Variants in NOL4 observed in about 807,000 individuals in gnomAD.
NOL4 encodes nucleolar protein 4.
A neutral mutation model predicts 75.9 loss-of-function variants in NOL4; 17 were observed. The ratio of observed to expected loss-of-function variants is 0.22; its 90% CI spans 0.15 to 0.34. The LOEUF is 0.34. Ranked by LOEUF, NOL4 falls within the 10% of genes least tolerant of loss-of-function variation. The pLI is 1.00. For synonymous variants in NOL4, 292 were observed against 289.9 expected (o/e 1.01, Z -0.07); for missense variants, 614 against 793.5 (o/e 0.77, Z 2.72).
At chr18:33,911,913 T>C (rs1029044584) in intron 9 of NOL4, among the ~76,000 whole-genome samples, 2 of 152,122 alleles carry the variant, frequency 1.3e-5, no homozygotes. Flanking sequence ...AGTTTAGACC[T>C]TTTTGCCTTT....
intron 9 of NOL4, among the ~76,000 whole-genome samples, chr18:33,919,440 T>C (rs1247993553): frequency 6.6e-6 from 1 of 152,216 alleles, no homozygotes; most frequent in Non-Finnish European, 1.5e-5. Flanking sequence ...CTTGCATTGA[T>C]GCTAACTTGC....
At chr18:34,105,242 A>G in intron 2 of NOL4, 82 bp from the exon 3 acceptor site, 1 of 904,488 alleles carries the variant, frequency 1.1e-6, no homozygotes, top group Non-Finnish European at 1.8e-6. Context: ...GTATTTCCAA[A>G]TAAGACACGT....
intron 9 of NOL4, among the ~76,000 whole-genome samples, chr18:33,891,090 C>T (rs1191435452): frequency 1.3e-5 from 2 of 151,554 alleles, no homozygotes; most frequent in African/African-American, 4.8e-5. Flanking sequence ...CACATATATT[C>T]TTCCATACTA....
At chr18:33,872,880 G>A (rs1300642748) in intron 10 of NOL4, among the ~76,000 whole-genome samples, 2 of 151,948 alleles carry the variant, frequency 1.3e-5, no homozygotes, top group East Asian at 3.9e-4. Flanking sequence ...AATACTTTAA[G>A]TCAGGTCATC....
chr18:34,016,982 G>A (rs1239221328), intron 6 of NOL4, among the ~76,000 whole-genome samples: 1 of 152,072 alleles, frequency 6.6e-6, no homozygotes, highest in Non-Finnish European at 1.5e-5. Flanking sequence ...AAATCATACT[G>A]AGGTCAGAAT....
At chr18:33,903,489 A>T (rs1298446353) in intron 9 of NOL4, among the ~76,000 whole-genome samples, 4 of 152,266 alleles carry the variant, frequency 2.6e-5, no homozygotes, top group African/African-American at 7.2e-5. Flanking sequence ...TCCTGGGTAC[A>T]CATATCTCAT....
At chr18:33,857,489 C>T (rs1465486667) in intron 10 of NOL4, among the ~76,000 whole-genome samples, 2 of 151,908 alleles carry the variant, frequency 1.3e-5, no homozygotes. Flanking sequence ...AGAAACATTG[C>T]CAATTCTGCA....
chr18:33,957,596 G>C lies in NOL4; in HGVS notation c.1237-79C>G. Reference sequence around the variant, plus strand: ...TTCCTAGCTTCCTGTCTTGATTACCGATAGGAAAATACTGTTTTCTGGTTT... The same window carrying C: ...TTCCTAGCTTCCTGTCTTGATTACCCATAGGAAAATACTGTTTTCTGGTTT... On this transcript the variant is annotated intron_variant, in intron 7 of 10. Coordinates refer to ENST00000261592, the MANE Select transcript of NOL4 (RefSeq NM_003787.5). 3 of 1,137,276 alleles carry C rather than the reference G, an allele frequency of 2.6e-6. No individual in the cohort carries two copies. The South Asian group carries it at 5.2e-5, about 20-fold the overall frequency. The allele number at this position is 1,137,276 out of a possible 1,614,324, so 70.4% of individuals were successfully genotyped here. A position where few individuals can be genotyped will look rare whatever the true frequency, so the allele number is the denominator to read the frequency against.
intron 10 of NOL4, among the ~76,000 whole-genome samples, chr18:33,880,817 G>GTT (rs912643565): frequency 6.9e-6 from 1 of 144,842 alleles, no homozygotes. Flanking sequence ...CTCTAGTTGA[G>GTT]TTTTTTTTTT....
At chr18:33,961,642 A>C (rs1173467362) in intron 6 of NOL4, among the ~76,000 whole-genome samples, 2 of 152,042 alleles carry the variant, frequency 1.3e-5, no homozygotes, top group African/African-American at 4.8e-5. Flanking sequence ...TATTATTCAC[A>C]TTATCAATGA....
chr18:34,094,130 G>A (rs2078658095), intron 4 of NOL4, among the ~76,000 whole-genome samples: 1 of 152,120 alleles, frequency 6.6e-6, no homozygotes, highest in Non-Finnish European at 1.5e-5. Context: ...TATAAAGAAT[G>A]ATTTTATAGT....
chr18:34,218,182 C>T (rs1208469416), intron 1 of NOL4, among the ~76,000 whole-genome samples: 1 of 151,588 alleles, frequency 6.6e-6, no homozygotes, highest in Non-Finnish European at 1.5e-5. Flanking sequence ...AGACTTGACA[C>T]AAAATTAAAG....
intron 5 of NOL4, among the ~76,000 whole-genome samples, chr18:34,049,802 C>G (rs758429570): frequency 6.6e-6 from 1 of 152,076 alleles, no homozygotes; most frequent in African/African-American, 2.4e-5. Context: ...GTGCTGAGAG[C>G]GAACAGGACT....
chr18:34,008,371 GTCTATCTATCTATCTATCTA>G (rs10656153), intron 6 of NOL4, among the ~76,000 whole-genome samples: 7 of 147,682 alleles, frequency 4.7e-5, no homozygotes, highest in Non-Finnish European at 1.0e-4. Flanking sequence ...CTATCTGTCT[GTCTATCTATCTATCTATCTA>G]TCTATCTATC....
At chr18:33,869,002 C>A (rs922083971) in intron 10 of NOL4, among the ~76,000 whole-genome samples, 1 of 151,818 alleles carries the variant, frequency 6.6e-6, no homozygotes, top group Non-Finnish European at 1.5e-5. Context: ...TAAAGTACAA[C>A]ATTAAAAAAA....
chr18:34,222,097 A>G, intron 1 of NOL4: 1 of 1,534,716 alleles, frequency 6.5e-7, no homozygotes, highest in East Asian at 2.5e-5. Context: ...CTTCTTGTGA[A>G]GAAAATCGAC....
chr18:33,998,036 T>C (rs950991178), intron 6 of NOL4, among the ~76,000 whole-genome samples: 3 of 151,946 alleles, frequency 2.0e-5, no homozygotes, highest in African/African-American at 7.2e-5. Flanking sequence ...AAAGATGACA[T>C]CATATATGAT....
chr18:33,855,671 T>C (rs1381495526), intron 10 of NOL4, among the ~76,000 whole-genome samples: 1 of 152,070 alleles, frequency 6.6e-6, no homozygotes, highest in Admixed American at 6.6e-5. Flanking sequence ...AGACAAAAGA[T>C]ATTTCATGCT....
chr18:33,865,147 A>T (rs528790331), intron 10 of NOL4, among the ~76,000 whole-genome samples: 15 of 152,220 alleles, frequency 9.9e-5, no homozygotes, highest in African/African-American at 2.9e-4. Flanking sequence ...TAAATATTTA[A>T]TTCCCCTAAG....
Sources: allele counts gnomAD v4.1 joint callset (sites outside exome capture counted in the v4.1 genomes callset), GRCh38; gene constraint gnomAD v4.1.1; transcripts MANE v1.5; gene names NCBI Gene and HGNC (gene_info 2026-07-23, HGNC 2026-07-21).